The following DOCK7 variants were observed in gnomAD, a reference collection of about 807,000 sequenced individuals.
DOCK7 encodes the protein dedicator of cytokinesis 7.
Under a neutral mutation model 271.0 loss-of-function variants are expected in DOCK7, and 138 were observed. The ratio of observed to expected loss-of-function variants is 0.51; its 90% CI spans 0.44 to 0.59. The LOEUF (loss-of-function observed/expected upper bound fraction) is 0.59, where lower values mean the gene tolerates loss of function less well. Ranked by LOEUF, DOCK7 falls within the 20% of genes least tolerant of loss-of-function variation. DOCK7 has a pLI of 0.00. For synonymous variants in DOCK7, 823 were observed against 876.1 expected (o/e 0.94, Z 1.07); for missense variants, 2,066 against 2,592.4 (o/e 0.80, Z 4.41).
At chr1:62,682,866 T>C (rs1661327319) in intron 1 of DOCK7, among the ~76,000 whole-genome samples, 1 of 152,130 alleles carries the variant, frequency 6.6e-6, no homozygotes, top group East Asian at 1.9e-4. Flanking sequence ...TTGAAGATGT[T>C]AGAACAGGGA....
At chr1:62,609,844 T>A (rs1208330558) in intron 14 of DOCK7, among the ~76,000 whole-genome samples, 3 of 152,096 alleles carry the variant, frequency 2.0e-5, no homozygotes, top group African/African-American at 7.2e-5. Flanking sequence ...AGAATTCTTT[T>A]TTTTTTCGAG....
At chr1:62,641,085 C>T in intron 7 of DOCK7, 1 of 197,374 alleles carries the variant, frequency 5.1e-6, no homozygotes, top group Admixed American at 5.7e-5. Flanking sequence ...CAGGCCAGGC[C>T]AAGCATGAGG....
rs150618882 is a variant in DOCK7 at position 62,679,716 on chromosome 1, A to C, written c.38+8511T>G. Reference sequence around the variant, plus strand: ...AATTTCTACAACCACTTTAGAAAACAGTTTGACACTACCTAATAAACATTG... The same window carrying C: ...AATTTCTACAACCACTTTAGAAAACCGTTTGACACTACCTAATAAACATTG... On this transcript the variant is annotated intron_variant, in intron 1 of 49. Transcript: ENST00000635253. Among the ~76,000 whole-genome samples the C allele has an allele frequency of 5.9e-3, 903 of 152,300 alleles. 6 individuals are homozygous for C. The highest frequency in any genetic ancestry group is 0.02 in the African/African-American group (852 of 41,572).
chr1:62,579,292 T>TACAC (rs1647038649), intron 16 of DOCK7, among the ~76,000 whole-genome samples: 1 of 152,010 alleles, frequency 6.6e-6, no homozygotes, highest in Non-Finnish European at 1.5e-5. Flanking sequence ...AGGTAGGGAG[T>TACAC]TCTCTATTTA....
intron 29 of DOCK7, among the ~76,000 whole-genome samples, chr1:62,530,386 T>C (rs1645138210): frequency 6.6e-6 from 1 of 152,196 alleles, no homozygotes. Context: ...CTGTCTTTTT[T>C]CAACAGCTTC....
intron 33 of DOCK7, among the ~76,000 whole-genome samples, chr1:62,513,138 A>T (rs1191279937): frequency 6.6e-6 from 1 of 151,584 alleles, no homozygotes; most frequent in East Asian, 1.9e-4. Context: ...ACAAAAATAA[A>T]GTCTATTTAA....
rs192778191 is a variant in DOCK7 at position 62,604,032 on chromosome 1, G to A, written c.1682+14674C>T. The A allele has an allele frequency of 8.0e-5, 129 of 1,612,896 alleles. No homozygotes were observed. Among genetic ancestry groups the A allele is most frequent in the Middle Eastern group, 5.0e-4 (3 of 6,050 alleles). ...GTGAAGCAATCTAATTATGTTTTAC[G>A]AATTGAGTTGGAAGACTGGAAAGAC... On this transcript the variant is annotated intron_variant, in intron 14 of 49. Transcript: ENST00000635253.
At chr1:62,561,252 T>G (rs1399128496) in intron 19 of DOCK7, among the ~76,000 whole-genome samples, 1 of 152,156 alleles carries the variant, frequency 6.6e-6, no homozygotes, top group Non-Finnish European at 1.5e-5. Flanking sequence ...AAATAAGGAA[T>G]TTGGAACAAA....
intron 31 of DOCK7, among the ~76,000 whole-genome samples, chr1:62,516,058 AC>A (rs1644653410): frequency 6.6e-6 from 1 of 152,184 alleles, no homozygotes; most frequent in Non-Finnish European, 1.5e-5. Context: ...ACCTTGTACC[AC>A]CATACAGAAA....
At chr1:62,600,292 A>G (rs1050606908) in intron 14 of DOCK7, among the ~76,000 whole-genome samples, 28 of 151,960 alleles carry the variant, frequency 1.8e-4, no homozygotes, top group African/African-American at 6.7e-4. Flanking sequence ...TAAATTAAAA[A>G]AACAAAACTC....
At position 62,612,667 on chromosome 1, in the gene DOCK7, C is replaced by T. The variant is rs150704198; in HGVS notation, c.1682+6039G>A. ...CATAATAAAAGTTTAAAACTATATT[C>T]AGATTAGATCAGAGAAAATAGATTT... On this transcript the variant is annotated intron_variant, in intron 14 of 49. Coordinates refer to ENST00000635253, the MANE Select transcript of DOCK7 (RefSeq NM_001367561.1). Among the ~76,000 whole-genome samples, 856 of 152,108 alleles carry T rather than the reference C, an allele frequency of 5.6e-3. 10 individuals carry two copies. The highest frequency in any genetic ancestry group is 0.02 in the African/African-American group (825 of 41,474).
In DOCK7 at chr1:62,558,988, C is replaced by A; in HGVS notation, c.2431+1G>T. On this transcript the variant is annotated splice_donor_variant, in intron 20 of 49. Coordinates refer to ENST00000635253, the MANE Select transcript of DOCK7 (RefSeq NM_001367561.1). LOFTEE classifies it high-confidence loss of function. ...CTCATCCCCAAACAAAAGTAAATTA[C>A]CTATTTGGCCAGCAATGACAGGAGG... 1 of 1,598,922 alleles carries A rather than the reference C, an allele frequency of 6.3e-7. No homozygotes were observed. Among genetic ancestry groups the A allele is most frequent in the Non-Finnish European group, 8.6e-7 (1 of 1,168,960 alleles).
intron 41 of DOCK7, 140 bp downstream of exon 41, chr1:62,492,564 A>T (rs769135724): frequency 1.2e-5 from 12 of 992,678 alleles, no homozygotes; most frequent in Non-Finnish European, 1.8e-5. Context: ...CTGAGATTAC[A>T]GGCATGAGCC....
At chr1:62,589,912 TAATTA>T (rs1433898324) in intron 14 of DOCK7, among the ~76,000 whole-genome samples, 1 of 149,960 alleles carries the variant, frequency 6.7e-6, no homozygotes, top group African/African-American at 2.4e-5. Flanking sequence ...GTATATCATT[TAATTA>T]CTCATCTGTG....
chr1:62,558,064 GAAAAAGTCCCAATTTCCTA>G, intron 20 of DOCK7, among the ~76,000 whole-genome samples: 1 of 152,138 alleles, frequency 6.6e-6, no homozygotes, highest in Non-Finnish European at 1.5e-5. Context: ...ATTCCCTACA[GAAAAAGTCCCAATTTCCTA>G]AAGTGTGGAA....
At chr1:62,597,108 A>G (rs866626693) in intron 14 of DOCK7, among the ~76,000 whole-genome samples, 3 of 152,172 alleles carry the variant, frequency 2.0e-5, no homozygotes, top group Admixed American at 6.6e-5. Context: ...GTTTTTTGGA[A>G]TGGATCACTG....
In DOCK7 at chr1:62,688,179, G is replaced by C. The variant is rs1046381889; in HGVS notation, c.38+48C>G. 5 of 1,351,194 alleles carry C rather than the reference G, an allele frequency of 3.7e-6. No individual in the cohort carries two copies. The African/African-American group carries it at 7.6e-5, about 21-fold the overall frequency. The allele number at this position is 1,351,194 out of a possible 1,614,324, so 83.7% of individuals were successfully genotyped here. A position where few individuals can be genotyped will look rare whatever the true frequency, so the allele number is the denominator to read the frequency against. Reference sequence around the variant, plus strand: ...AGGCCAGGCCTGGGAGGACTCCGCGGCTCTTTCTCGGGCGGCGGCGGCGGC... The same window carrying C: ...AGGCCAGGCCTGGGAGGACTCCGCGCCTCTTTCTCGGGCGGCGGCGGCGGC... On this transcript the variant is annotated intron_variant, in intron 1 of 49. Transcript: ENST00000635253.
chr1:62,573,439 C>A (rs190537121), intron 18 of DOCK7, among the ~76,000 whole-genome samples: 1 of 152,218 alleles, frequency 6.6e-6, no homozygotes, highest in African/African-American at 2.4e-5. Context: ...TAGAATGAAA[C>A]CACCTAATTT....
At chr1:62,472,020 T>TA (rs141193043) in intron 48 of DOCK7, among the ~76,000 whole-genome samples, 5,582 of 152,158 alleles carry the variant, frequency 0.037, 252 homozygotes, top group African/African-American at 0.11. Context: ...CACACAAAAA[T>TA]AAAAAATGTA....
Sources: allele counts gnomAD v4.1 joint callset (sites outside exome capture counted in the v4.1 genomes callset), GRCh38; gene constraint gnomAD v4.1.1; transcripts MANE v1.5; gene names NCBI Gene and HGNC (gene_info 2026-07-23, HGNC 2026-07-21).